Variants in TIMELESS observed in about 807,000 individuals in gnomAD.
TIMELESS encodes protein timeless homolog.
TIMELESS carries 124 observed loss-of-function variants against 164.3 expected under a neutral mutation model. That is an observed-to-expected ratio of 0.75 (90% confidence interval 0.65 to 0.88). The LOEUF (loss-of-function observed/expected upper bound fraction) is 0.88, where lower values mean the gene tolerates loss of function less well. TIMELESS is among the 40% of genes least tolerant of loss of function. The probability of loss-of-function intolerance (pLI) is 0.00; values close to 1 mark genes in which losing one functional copy is unlikely to be tolerated. For missense variants in TIMELESS, 1,422 were observed against 1,491.4 expected, an observed-to-expected ratio of 0.95 and a Z score of 0.77; for synonymous variants, 564 against 563.4, an observed-to-expected ratio of 1.00 and a Z score of -0.02.
chr12:56,447,286 T>C (rs906589575), intron 1 of TIMELESS, among the ~76,000 whole-genome samples: 2 of 150,446 alleles, frequency 1.3e-5, no homozygotes, highest in African/African-American at 2.4e-5. Flanking sequence ...GCGATGGGGC[T>C]TAGGCAAGTG....
intron 23 of TIMELESS, 21 bp downstream of exon 23, chr12:56,421,330 G>C: frequency 6.2e-7 from 1 of 1,610,818 alleles, no homozygotes; most frequent in Non-Finnish European, 8.5e-7. Flanking sequence ...CATGCCAGCA[G>C]AGCTAGGGTC....
chr12:56,444,730 G>GA lies in TIMELESS; in HGVS notation c.-62+4579dup, dbSNP rs60982221. Among the ~76,000 whole-genome samples the GA allele has an allele frequency of 4.6e-3, 699 of 151,936 alleles. 2 individuals carry two copies. Among genetic ancestry groups the GA allele is most frequent in the Non-Finnish European group, 4.3e-3 (292 of 67,984 alleles). On this transcript the variant is annotated intron_variant, in intron 1 of 28. Transcript: ENST00000553532. Reference sequence around the variant, plus strand: ...CCTGTCCTAGCTCATCTTAAGGGGGGAAAAATCCAACATAAAATAAAACTT... The same window carrying GA: ...CCTGTCCTAGCTCATCTTAAGGGGGGAAAAAATCCAACATAAAATAAAACTT...
intron 1 of TIMELESS, among the ~76,000 whole-genome samples, chr12:56,444,199 T>A (rs992906349): frequency 4.0e-5 from 6 of 151,566 alleles, no homozygotes; most frequent in African/African-American, 1.5e-4. Context: ...CCCAGCCTCA[T>A]TTCTGTATTC....
chr12:56,443,095 C>T (rs1194137070), intron 1 of TIMELESS, among the ~76,000 whole-genome samples: 1 of 152,124 alleles, frequency 6.6e-6, no homozygotes, highest in African/African-American at 2.4e-5. Flanking sequence ...TGAGAAAGAA[C>T]AGAACAACAG....
intron 26 of TIMELESS, among the ~76,000 whole-genome samples, chr12:56,419,169 T>C (rs1365774467): frequency 2.0e-5 from 3 of 151,914 alleles, no homozygotes; most frequent in African/African-American, 7.3e-5. Context: ...TTTTTGTATT[T>C]TTAGTAGAGA....
intron 6 of TIMELESS, 49 bp from the exon 7 acceptor site, chr12:56,432,573 G>A (rs776451585): frequency 3.1e-5 from 50 of 1,591,246 alleles, no homozygotes; most frequent in Non-Finnish European, 3.9e-5. Context: ...CAATCCCACT[G>A]CCCTGCCTTG....
Position 56,423,473 on chromosome 12 carries a change from A to T in TIMELESS, c.2093T>A (p.Phe698Tyr). 1 of 1,614,144 alleles carries T rather than the reference A, an allele frequency of 6.2e-7. No individual in the cohort carries two copies. Among genetic ancestry groups the T allele is most frequent in the Non-Finnish European group, 8.5e-7 (1 of 1,180,006 alleles). ...EFNFLDYLKR[F>Y]ACSTVVRAYV... is the part of the protein sequence containing the mutation. ...GGCTCGAACGACAGTTGAACATGCA[A>T]AGCTGCACCAAAACAAGGAGGGAGA... Residue 698 changes from phenylalanine to tyrosine, a missense_variant and splice_region_variant, in exon 18 of 29, where the codon TTT becomes TAT. Coordinates refer to ENST00000553532, the MANE Select transcript of TIMELESS (RefSeq NM_003920.5).
chr12:56,429,195 C>T, intron 10 of TIMELESS, 95 bp from the exon 11 acceptor site: 2 of 1,202,734 alleles, frequency 1.7e-6, no homozygotes, highest in South Asian at 1.5e-5. Flanking sequence ...ATGCTGGACA[C>T]CGTCATAATT....
intron 13 of TIMELESS, among the ~76,000 whole-genome samples, chr12:56,427,307 G>C (rs1482874358): frequency 6.6e-6 from 1 of 152,116 alleles, no homozygotes; most frequent in Non-Finnish European, 1.5e-5. Flanking sequence ...ATTTTTAGTA[G>C]AGAAGGAGTT....
chr12:56,438,777 CAAAAAAAAA>C (rs34222190), intron 1 of TIMELESS, among the ~76,000 whole-genome samples: 26 of 48,476 alleles, frequency 5.4e-4, no homozygotes, highest in African/African-American at 2.3e-3. Flanking sequence ...AGCTCTGTCT[CAAAAAAAAA>C]AAAAAAAAAA....
rs758537500 is a variant in TIMELESS at position 56,422,950 on chromosome 12, C to T, written c.2335G>A (p.Ala779Thr). Residue 779 changes from alanine (A) to threonine (T), a missense_variant, in exon 19 of 29, where the codon GCA becomes ACA. Ala to Thr is a moderately conservative substitution (Grantham distance 58). Transcript: ENST00000553532. The part of the protein sequence containing the change: ...FAKYILGKFF[A>T]LAAVNQKAFV... ...GCTTTTTGGTTGACTGCAGCCAGTGCAAAAAATTTGCCCAGGATGTATTTG... is the reference window on the plus strand; with the variant it reads ...GCTTTTTGGTTGACTGCAGCCAGTGTAAAAAATTTGCCCAGGATGTATTTG... The T allele has an allele frequency of 5.6e-6, 9 of 1,613,870 alleles. No homozygotes were observed. The Admixed American group carries it at 1.5e-4, about 27-fold the overall frequency.
intron 1 of TIMELESS, among the ~76,000 whole-genome samples, chr12:56,447,514 T>C (rs1444740256): frequency 3.9e-5 from 6 of 152,120 alleles, no homozygotes; most frequent in Non-Finnish European, 7.4e-5. Context: ...GTGAGTGCAG[T>C]GAGAGGAGGA....
Position 56,449,372 on chromosome 12 carries a change from C to A in TIMELESS, c.-124G>T, listed in dbSNP as rs1868493735. On this transcript the variant is annotated 5_prime_UTR_variant, in exon 1 of 29. Coordinates refer to ENST00000553532, the MANE Select transcript of TIMELESS (RefSeq NM_003920.5). ...CCGGCCCTCTGGCGCGGGGCCGCAG[C>A]CTTTCCGCCACCAGGCTCAGCTGGA... 1 of 152,294 alleles carries A rather than the reference C, an allele frequency of 6.6e-6. No homozygotes were observed. Among genetic ancestry groups the A allele is most frequent in the Non-Finnish European group, 1.5e-5 (1 of 68,070 alleles). 9.4% of individuals were successfully genotyped at this position (152,294 alleles called of 1,614,324 possible).
chr12:56,429,188 C>T, intron 10 of TIMELESS, 88 bp from the exon 11 acceptor site: 1 of 1,233,280 alleles, frequency 8.1e-7, no homozygotes, highest in South Asian at 1.5e-5. Context: ...GGAATGGATG[C>T]TGGACACCGT....
rs1385625276 is a variant in TIMELESS, at chr12:56,423,159, T to C, written c.2292+115A>G. The C allele has an allele frequency of 1.4e-5, 20 of 1,423,794 alleles. No individual in the cohort carries two copies. The African/African-American group carries it at 2.6e-4, about 18-fold the overall frequency. 88.2% of individuals were successfully genotyped at this position (1,423,794 alleles called of 1,614,324 possible). On this transcript the variant is annotated intron_variant, in intron 18 of 28. Coordinates refer to ENST00000553532, the MANE Select transcript of TIMELESS (RefSeq NM_003920.5). ...AACCTGCCTGTCTACTTTCTCATTG[T>C]TTTCCCATCTCCCAGCCCTTGACAC...
intron 3 of TIMELESS, 54 bp from the exon 4 acceptor site, chr12:56,433,706 G>A (rs180828162): frequency 2.5e-5 from 40 of 1,613,302 alleles, no homozygotes; most frequent in African/African-American, 9.3e-5. Flanking sequence ...CAGCTCAAAC[G>A]CCAAACCTAT....
In TIMELESS at chr12:56,420,586, G is replaced by A. The variant is rs1309988141; in HGVS notation, c.3211C>T (p.Pro1071Ser). ...ATATTTACCTGCCCAGAGGCAGGGG[G>A]CCGAACCCCTAGCTTGCGCAACAGC... is the stretch of plus-strand genomic sequence containing the variant. Reference protein sequence around the residue: ...QQLLRKLGVRPPASGQETFWR... With the variant: ...QQLLRKLGVRSPASGQETFWR... The change falls in exon 26 of 29, where the codon CCC (proline) becomes TCC (serine). Residue 1071 changes from proline (P) to serine (S), a missense_variant. Coordinates refer to ENST00000553532, the MANE Select transcript of TIMELESS (RefSeq NM_003920.5). The A allele has an allele frequency of 1.2e-6, 2 of 1,614,062 alleles. No homozygotes were observed. The highest frequency in any genetic ancestry group is 1.7e-5 in the Admixed American group (1 of 60,006).
intron 6 of TIMELESS, 52 bp downstream of exon 6, chr12:56,432,974 A>T: frequency 1.3e-5 from 12 of 945,182 alleles, no homozygotes; most frequent in Admixed American, 2.6e-5. Context: ...AAAAAAAAAA[A>T]GGCAGCTCAA....
chr12:56,437,432 T>C (rs1038985313), intron 1 of TIMELESS, among the ~76,000 whole-genome samples: 1 of 152,000 alleles, frequency 6.6e-6, no homozygotes, highest in Middle Eastern at 3.2e-3. Context: ...TTTTTTTTTT[T>C]TGAGACAGGG....
Sources: gnomAD v4.1 joint callset for allele counts (sites outside exome capture counted in the v4.1 genomes callset) on GRCh38, gnomAD v4.1.1 for gene constraint, MANE v1.5 for transcripts, NCBI Gene and HGNC (gene_info 2026-07-23, HGNC 2026-07-21) for gene names.